The following CAMK1D variants were observed in gnomAD, a reference collection of about 807,000 sequenced individuals.
CAMK1D encodes the protein calcium/calmodulin-dependent protein kinase type 1D.
A neutral mutation model predicts 47.7 loss-of-function variants in CAMK1D; 9 were observed. The ratio of observed to expected loss-of-function variants is 0.19; its 90% confidence interval spans 0.11 to 0.33. CAMK1D has a LOEUF of 0.33. Ranked by LOEUF, CAMK1D falls within the 10% of genes least tolerant of loss-of-function variation. The pLI is 1.00. For synonymous variants in CAMK1D, 184 were observed against 184.9 expected, an observed-to-expected ratio of 0.99 and a Z score of 0.04; for missense variants, 291 against 488.7, an observed-to-expected ratio of 0.60 and a Z score of 3.81.
chr10:12,438,811 T>TA (rs2132006826), intron 1 of CAMK1D, among the ~76,000 whole-genome samples: 1 of 152,350 alleles, frequency 6.6e-6, no homozygotes, highest in African/African-American at 2.4e-5. Flanking sequence ...CTTGCTCCAT[T>TA]CTACCACAGA....
intron 1 of CAMK1D, among the ~76,000 whole-genome samples, chr10:12,475,578 G>A (rs1833878279): frequency 6.6e-6 from 1 of 152,150 alleles, no homozygotes; most frequent in Admixed American, 6.5e-5. Context: ...GGGTAATGCT[G>A]TTGTGAACAT....
intron 1 of CAMK1D, among the ~76,000 whole-genome samples, chr10:12,393,038 T>C (rs1183305878): frequency 5.9e-5 from 9 of 151,870 alleles, no homozygotes; most frequent in African/African-American, 1.9e-4. Flanking sequence ...TTTTTTTTTT[T>C]TTTTCTTTTT....
intron 1 of CAMK1D, among the ~76,000 whole-genome samples, chr10:12,528,286 T>G (rs1384014815): frequency 1.3e-5 from 2 of 152,264 alleles, no homozygotes; most frequent in African/African-American, 2.4e-5. Flanking sequence ...TATCACATAT[T>G]AGCACATGCT....
At chr10:12,402,454 A>ACT (rs1839263716) in intron 1 of CAMK1D, among the ~76,000 whole-genome samples, 1 of 151,404 alleles carries the variant, frequency 6.6e-6, no homozygotes, top group Admixed American at 6.6e-5. Context: ...CTAGTCTCAA[A>ACT]CTCCTGCTCT....
intron 6 of CAMK1D, among the ~76,000 whole-genome samples, chr10:12,797,074 G>T (rs2131017505): frequency 6.6e-6 from 1 of 152,332 alleles, no homozygotes; most frequent in African/African-American, 2.4e-5. Context: ...CAGAGCAGTG[G>T]AGGCGGGTGG....
intron 3 of CAMK1D, among the ~76,000 whole-genome samples, chr10:12,685,763 G>A (rs1832635652): frequency 1.3e-5 from 2 of 152,226 alleles, no homozygotes; most frequent in African/African-American, 4.8e-5. Context: ...GTGGAAACAA[G>A]TCATGGAAGA....
chr10:12,628,669 C>T (rs527545233), intron 2 of CAMK1D, among the ~76,000 whole-genome samples: 1 of 152,126 alleles, frequency 6.6e-6, no homozygotes, highest in Non-Finnish European at 1.5e-5. Context: ...AGGGTCCACT[C>T]TTTATGTTAT....
chr10:12,693,898 AAT>A (rs1304404908), intron 3 of CAMK1D, among the ~76,000 whole-genome samples: 4 of 113,908 alleles, frequency 3.5e-5, no homozygotes, highest in Non-Finnish European at 6.9e-5. Context: ...ATATATATAA[AAT>A]ATATATATAA....
intron 3 of CAMK1D, among the ~76,000 whole-genome samples, chr10:12,696,014 G>A (rs1270753126): frequency 6.6e-6 from 1 of 152,124 alleles, no homozygotes; most frequent in African/African-American, 2.4e-5. Flanking sequence ...GGAGGTGGAG[G>A]TTGCAGTGAG....
chr10:12,556,737 G>A (rs1457390774), intron 2 of CAMK1D, among the ~76,000 whole-genome samples: 2 of 152,164 alleles, frequency 1.3e-5, no homozygotes, highest in South Asian at 2.1e-4. Context: ...CTAGACACGG[G>A]GGAGCCATCG....
In CAMK1D at chr10:12,721,791, G is replaced by T. The variant is rs117918770; in HGVS notation, c.300-39157G>T. Reference sequence around the variant, plus strand: ...GGAGATTAGGGTTGTGTGGACCAGTGCCTCCTTTGATAGACAAGCACTGGT... The same window carrying T: ...GGAGATTAGGGTTGTGTGGACCAGTTCCTCCTTTGATAGACAAGCACTGGT... On this transcript the variant is annotated intron_variant, in intron 3 of 10. Transcript: ENST00000619168. Among the ~76,000 whole-genome samples, 907 of 152,320 alleles carry T rather than the reference G, an allele frequency of 6.0e-3. 6 individuals carry two copies. The highest frequency in any genetic ancestry group is 9.9e-3 in the Non-Finnish European group (676 of 68,022).
At chr10:12,469,462 C>G in intron 1 of CAMK1D, among the ~76,000 whole-genome samples, 1 of 152,080 alleles carries the variant, frequency 6.6e-6, no homozygotes, top group Non-Finnish European at 1.5e-5. Context: ...GGGGCATAAC[C>G]AAGAAAGGGG....
chr10:12,388,776 T>C (rs1355084550), intron 1 of CAMK1D, among the ~76,000 whole-genome samples: 2 of 152,160 alleles, frequency 1.3e-5, no homozygotes, highest in African/African-American at 2.4e-5. Flanking sequence ...TGTGTGGCAA[T>C]GCGAGGTTTG....
At position 12,530,883 on chromosome 10, in the gene CAMK1D, C is replaced by T. The variant is rs1037616743; in HGVS notation, c.93-22342C>T. ...ACCAGCCTGGCCAACATGGTGAAAC[C>T]CTGTCTCTACTAAAAATACAAAAAT... On this transcript the variant is annotated intron_variant, in intron 1 of 10. Coordinates refer to ENST00000619168, the MANE Select transcript of CAMK1D (RefSeq NM_153498.4). 4.6e-5 allele frequency among the ~76,000 whole-genome samples: 7 copies of T among 151,846 alleles called. 1 individual carries two copies. In the South Asian group the frequency reaches 6.2e-4, roughly 14 times the overall value.
intron 1 of CAMK1D, among the ~76,000 whole-genome samples, chr10:12,462,600 G>T (rs1366316828): frequency 1.3e-5 from 2 of 152,068 alleles, no homozygotes; most frequent in African/African-American, 4.8e-5. Context: ...GCTGATATTT[G>T]TATATTGCTG....
chr10:12,731,766 A>G (rs1834895403), intron 3 of CAMK1D, among the ~76,000 whole-genome samples: 1 of 152,192 alleles, frequency 6.6e-6, no homozygotes, highest in African/African-American at 2.4e-5. Context: ...CTGGAGGATT[A>G]TCGGAATCTG....
chr10:12,559,012 C>T (rs1342953864), intron 2 of CAMK1D, among the ~76,000 whole-genome samples: 1 of 152,028 alleles, frequency 6.6e-6, no homozygotes, highest in Non-Finnish European at 1.5e-5. Context: ...CTCTTAAAAT[C>T]ATACTGATTA....
intron 2 of CAMK1D, among the ~76,000 whole-genome samples, chr10:12,597,287 C>T (rs113692753): frequency 0.015 from 2,279 of 152,252 alleles, 42 homozygotes; most frequent in Middle Eastern, 0.054. Flanking sequence ...CATCCATCAC[C>T]CCCTTGGGAA....
intron 3 of CAMK1D, among the ~76,000 whole-genome samples, chr10:12,737,998 A>T (rs7087239): frequency 0.93 from 141,519 of 152,200 alleles, 66,601 homozygotes; most frequent in Non-Finnish European, 1. Context: ...AAAATCAAAA[A>T]TTAAATCACA....
Sources: gnomAD v4.1 joint callset for allele counts (sites outside exome capture counted in the v4.1 genomes callset) on GRCh38, gnomAD v4.1.1 for gene constraint, MANE v1.5 for transcripts, NCBI Gene and HGNC (gene_info 2026-07-23, HGNC 2026-07-21) for gene names.